CDKL4: variants seen among roughly 807,000 people sequenced by gnomAD.
CDKL4 encodes the protein cyclin-dependent kinase-like 4.
CDKL4 carries 44 observed loss-of-function variants against 42.0 expected under a neutral mutation model. That is an observed-to-expected ratio of 1.05 (90% CI 0.82 to 1.35). The LOEUF is 1.35. Ranked by LOEUF, CDKL4 falls within the 40% of genes most tolerant of loss-of-function variation. The probability of loss-of-function intolerance (pLI) is 0.00; values close to 1 mark genes in which losing one functional copy is unlikely to be tolerated. For synonymous variants in CDKL4, 120 were observed against 121.6 expected, an observed-to-expected ratio of 0.99 and a Z score of 0.09; for missense variants, 393 against 369.9, an observed-to-expected ratio of 1.06 and a Z score of -0.51.
chr2:39,213,884 T>C (rs1251649027), intron 3 of CDKL4, among the ~76,000 whole-genome samples: 1 of 151,232 alleles, frequency 6.6e-6, no homozygotes, highest in African/African-American at 2.4e-5. Flanking sequence ...TCTCTCTCTG[T>C]ACTTTTTTTG....
the CDKL4 span, among the ~76,000 whole-genome samples, chr2:39,168,752 G>GT: frequency 2.8e-5 from 4 of 141,750 alleles, no homozygotes; most frequent in African/African-American, 1.0e-4. Flanking sequence ...TTTTTTTTTT[G>GT]TTTTTTTGTT....
chr2:39,241,561 C>G (rs934671464), intron 1 of CDKL4, among the ~76,000 whole-genome samples: 1 of 152,190 alleles, frequency 6.6e-6, no homozygotes, highest in Non-Finnish European at 1.5e-5. Context: ...CAGTTCTGTA[C>G]GCCGTGGCCC....
At chr2:39,208,471 G>T (rs750724727) in intron 4 of CDKL4, among the ~76,000 whole-genome samples, 25 of 151,262 alleles carry the variant, frequency 1.7e-4, no homozygotes, top group Non-Finnish European at 3.5e-4. Flanking sequence ...CTCCTGAGTT[G>T]CTGGGATTAC....
At chr2:39,184,554 T>A (rs752087720) in intron 8 of CDKL4, 37 bp downstream of exon 8, 1 of 1,484,770 alleles carries the variant, frequency 6.7e-7, no homozygotes, top group Admixed American at 1.7e-5. Context: ...TCATTACAAT[T>A]TATAGCTAAT....
chr2:39,231,177 A>C (rs1267985962), intron 1 of CDKL4, among the ~76,000 whole-genome samples: 1 of 152,108 alleles, frequency 6.6e-6, no homozygotes, highest in African/African-American at 2.4e-5. Context: ...GCACCACTGC[A>C]CTCCAGCCTG....
At chr2:39,201,887 A>C (rs1018425574) in intron 5 of CDKL4, among the ~76,000 whole-genome samples, 1 of 152,180 alleles carries the variant, frequency 6.6e-6, no homozygotes, top group African/African-American at 2.4e-5. Flanking sequence ...GGCACAGTGT[A>C]CACTGCTCAG....
chr2:39,206,084 C>A (rs934457344), intron 4 of CDKL4, among the ~76,000 whole-genome samples: 1 of 151,166 alleles, frequency 6.6e-6, no homozygotes, highest in East Asian at 2.0e-4. Context: ...GACAGAGTCT[C>A]ACTGTGTCGC....
Position 39,206,699 on chromosome 2 carries a change from T to G in CDKL4, c.364-2082A>C, listed in dbSNP as rs112732691. Among the ~76,000 whole-genome samples the G allele has an allele frequency of 3.5e-3, 534 of 152,334 alleles. 8 individuals carry two copies. Among genetic ancestry groups the G allele is most frequent in the African/African-American group, 0.012 (515 of 41,582 alleles). On this transcript the variant is annotated intron_variant, in intron 4 of 9. Transcript: ENST00000451199. ...GAACTCTGTACTTTTCAAAGCACTTTCAATTCAAAGCATAAATTATTTCAT... is the reference window on the plus strand; with the variant it reads ...GAACTCTGTACTTTTCAAAGCACTTGCAATTCAAAGCATAAATTATTTCAT...
intron 1 of CDKL4, among the ~76,000 whole-genome samples, chr2:39,235,116 G>T (rs1244939477): frequency 6.6e-6 from 1 of 151,976 alleles, no homozygotes; most frequent in East Asian, 1.9e-4. Flanking sequence ...GGGCTAAATC[G>T]ATTTTCCCAC....
In CDKL4 at chr2:39,178,807, G is replaced by A. The variant is rs773056776; in HGVS notation, c.927+380C>T. The A allele has an allele frequency of 1.7e-5, 27 of 1,553,114 alleles. No homozygotes were observed. The East Asian group carries it at 6.4e-4, about 37-fold the overall frequency. On this transcript the variant is annotated intron_variant, in intron 9 of 9. Transcript: ENST00000451199. ...GTCAAGTTACCGTTATTGCACATCT[G>A]GAGGCTACAGAAAGGCACTTGGATT...
At chr2:39,244,635 G>A (rs1297260184), upstream of CDKL4, among the ~76,000 whole-genome samples, 1 of 152,190 alleles carries the variant, frequency 6.6e-6, no homozygotes, top group Non-Finnish European at 1.5e-5. Context: ...CAGTCCCATC[G>A]ACCACCCAAG....
chr2:39,195,209 G>T (rs981520566), intron 5 of CDKL4, among the ~76,000 whole-genome samples: 4 of 152,102 alleles, frequency 2.6e-5, no homozygotes, highest in African/African-American at 9.7e-5. Context: ...ACTCATCCTT[G>T]ATGGACATTT....
chr2:39,188,932 T>G (rs28648529), intron 6 of CDKL4, among the ~76,000 whole-genome samples: 47 of 152,266 alleles, frequency 3.1e-4, no homozygotes, highest in African/African-American at 1.1e-3. Flanking sequence ...TAAATCCCCA[T>G]TGTGCCAATG....
chr2:39,179,733 T>C (rs1675331123), intron 8 of CDKL4, among the ~76,000 whole-genome samples: 1 of 151,996 alleles, frequency 6.6e-6, no homozygotes, highest in South Asian at 2.1e-4. Flanking sequence ...GCACTGGAGG[T>C]GGGGCCCGGC....
chr2:39,217,043 G>A (rs1323296333), intron 3 of CDKL4, among the ~76,000 whole-genome samples: 1 of 152,066 alleles, frequency 6.6e-6, no homozygotes, highest in African/African-American at 2.4e-5. Context: ...CACAGATCGT[G>A]CAAAGAGAAG....
Position 39,239,542 on chromosome 2 carries a change from A to T in CDKL4, c.-57+4329T>A, listed in dbSNP as rs112639061. On this transcript the variant is annotated intron_variant, in intron 1 of 9. Coordinates refer to ENST00000451199, the Ensembl canonical transcript of CDKL4. ...GTTAAACAACCCAATTTAAAAATGG[A>T]CAAAAGATGTGAATAGACATTTTAC... Among the ~76,000 whole-genome samples the T allele has an allele frequency of 8.2e-3, 1,256 of 152,374 alleles. 26 individuals are homozygous for T. The highest frequency in any genetic ancestry group is 0.025 in the African/African-American group (1,056 of 41,588).
At position 39,187,265 on chromosome 2, in the gene CDKL4, T is replaced by C. The variant is rs533604018; in HGVS notation, c.735+362A>G. Among the ~76,000 whole-genome samples, 3 of 152,314 alleles carry C rather than the reference T, an allele frequency of 2.0e-5. No homozygotes were observed. In the East Asian group the frequency reaches 5.8e-4, roughly 29 times the overall value. On this transcript the variant is annotated intron_variant, in intron 7 of 9. Transcript: ENST00000451199. ...CCAGCCATGCTGGACTGTGAGTCAA[T>C]TAAATCTCTTTCCTTTATAAATTAC...
At chr2:39,242,817 G>A (rs900321069) in intron 1 of CDKL4, among the ~76,000 whole-genome samples, 13 of 152,158 alleles carry the variant, frequency 8.5e-5, no homozygotes, top group Non-Finnish European at 1.5e-4. Flanking sequence ...GATGCGGATG[G>A]CCGGGCGTGG....
At chr2:39,168,179 A>G in the CDKL4 span, among the ~76,000 whole-genome samples, 3 of 152,178 alleles carry the variant, frequency 2.0e-5, no homozygotes, top group African/African-American at 7.2e-5. Flanking sequence ...AGTTTAAATT[A>G]CGATTAGGCT....
Sources: allele counts gnomAD v4.1 joint callset (sites outside exome capture counted in the v4.1 genomes callset), GRCh38; gene constraint gnomAD v4.1.1; transcripts MANE v1.5; gene names NCBI Gene and HGNC (gene_info 2026-07-23, HGNC 2026-07-21).